ZNF366: variants seen among roughly 807,000 people sequenced by gnomAD.
ZNF366 encodes dendritic cell-specific transcript protein.
A neutral mutation model predicts 47.2 loss-of-function variants in ZNF366; 20 were observed. The observed-to-expected ratio is 0.42, with a 90% CI of 0.30 to 0.62. The LOEUF (loss-of-function observed/expected upper bound fraction) is 0.62. ZNF366 is among the 20% of genes least tolerant of loss of function. ZNF366 has a pLI of 0.16. For missense variants in ZNF366, 987 were observed against 976.3 expected, an observed-to-expected ratio of 1.01 and a Z score of -0.15; for synonymous variants, 421 against 395.1, an observed-to-expected ratio of 1.07 and a Z score of -0.78.
At chr5:72,444,663 G>C (rs1303589293) in intron 4 of ZNF366, among the ~76,000 whole-genome samples, 1 of 151,980 alleles carries the variant, frequency 6.6e-6, no homozygotes, top group Non-Finnish European at 1.5e-5. Flanking sequence ...AATAATAGGA[G>C]TTTGGTTAAA....
At chr5:72,490,419 G>A (rs776358835) in intron 1 of ZNF366, among the ~76,000 whole-genome samples, 6 of 152,172 alleles carry the variant, frequency 3.9e-5, no homozygotes, top group African/African-American at 4.8e-5. Context: ...AGATGAGATA[G>A]AGCTGAATAA....
At position 72,443,141 on chromosome 5, in the gene ZNF366, G is replaced by A. The variant is rs759834377; in HGVS notation, c.*615C>T. 6.6e-6 allele frequency: 1 copy of A among 152,268 alleles called. No individual in the cohort carries two copies. Among genetic ancestry groups the A allele is most frequent in the Non-Finnish European group, 1.5e-5 (1 of 68,102 alleles). 9.4% of individuals were successfully genotyped at this position (152,268 alleles called of 1,614,324 possible). A position where few individuals can be genotyped will look rare whatever the true frequency, so the allele number is the denominator to read the frequency against. ...TGAAGACAGCCGACACAGAACAAGA[G>A]AATCTAAGTATTCTAGGTCACCAGT... On this transcript the variant is annotated 3_prime_UTR_variant, in exon 5 of 5. Transcript: ENST00000318442.
At chr5:72,498,633 A>G (rs1308899202) in intron 1 of ZNF366, among the ~76,000 whole-genome samples, 1 of 152,252 alleles carries the variant, frequency 6.6e-6, no homozygotes, top group Non-Finnish European at 1.5e-5. Context: ...AAATATAATT[A>G]GGACAGTAAA....
chr5:72,482,381 G>A (rs1743806353), intron 1 of ZNF366, among the ~76,000 whole-genome samples: 1 of 152,088 alleles, frequency 6.6e-6, no homozygotes, highest in South Asian at 2.1e-4. Context: ...CAGGCTCAAC[G>A]TATTTCAGTA....
At position 72,443,649 on chromosome 5, in the gene ZNF366, A is replaced by G; in HGVS notation, c.*107T>C. The G allele has an allele frequency of 8.3e-7, 1 of 1,210,698 alleles. No homozygotes were observed. Among genetic ancestry groups the G allele is most frequent in the South Asian group, 1.6e-5 (1 of 64,478 alleles). 75.0% of individuals were successfully genotyped at this position (1,210,698 alleles called of 1,614,324 possible). A position where few individuals can be genotyped will look rare whatever the true frequency, so the allele number is the denominator to read the frequency against. ...TGCTCATTTAGTCTAAGCCATTTGT[A>G]GAGATTGGTACTATTCGCCAGTCTC... On this transcript the variant is annotated 3_prime_UTR_variant, in exon 5 of 5. Transcript: ENST00000318442.
intron 1 of ZNF366, among the ~76,000 whole-genome samples, chr5:72,470,303 C>T (rs983057341): frequency 6.6e-6 from 1 of 152,202 alleles, no homozygotes; most frequent in Non-Finnish European, 1.5e-5. Flanking sequence ...ATGCAGCCTA[C>T]CTGAGCAGCC....
At chr5:72,464,072 A>T (rs1367409161) in intron 1 of ZNF366, among the ~76,000 whole-genome samples, 1 of 152,198 alleles carries the variant, frequency 6.6e-6, no homozygotes, top group Non-Finnish European at 1.5e-5. Flanking sequence ...GCCCATCGAG[A>T]AGCAAACTGG....
chr5:72,494,699 G>C (rs1416934030), intron 1 of ZNF366, among the ~76,000 whole-genome samples: 2 of 150,792 alleles, frequency 1.3e-5, no homozygotes, highest in Non-Finnish European at 1.5e-5. Flanking sequence ...TCTGGATTTA[G>C]ATAAAACCCT....
intron 1 of ZNF366, among the ~76,000 whole-genome samples, chr5:72,470,020 G>A (rs1377389612): frequency 6.6e-6 from 1 of 152,004 alleles, no homozygotes; most frequent in African/African-American, 2.4e-5. Flanking sequence ...ATTCTAACCT[G>A]GGCAACACAG....
At position 72,460,187 on chromosome 5, in the gene ZNF366, T is replaced by C; in HGVS notation, c.1310A>G (p.Lys437Arg). ...GMEFVQPHHL[K>R]QHSLTHKGVK... ...TACCTTGTGGGTGAGGGAGTGCTGC[T>C]TGAGGTGGTGCGGCTGCACAAACTC... Residue 437 changes from lysine (K) to arginine (R), a missense_variant, in exon 2 of 5, where the codon AAG becomes AGG. By Grantham distance (26) the Lys-to-Arg change is conservative. Around this residue, in one of 3 missense-constraint regions of ZNF366, gnomAD observed 111 missense variants for 180.5 expected, o/e 0.61. Transcript: ENST00000318442. 6.2e-7 allele frequency: 1 copy of C among 1,614,212 alleles called. No individual in the cohort carries two copies. The highest frequency in any genetic ancestry group is 8.5e-7 in the Non-Finnish European group (1 of 1,180,022).
chr5:72,502,994 G>C (rs1201434124), intron 1 of ZNF366, among the ~76,000 whole-genome samples: 3 of 151,976 alleles, frequency 2.0e-5, no homozygotes, highest in Non-Finnish European at 4.4e-5. Flanking sequence ...GCGTGGTGGC[G>C]GGCAGCTGTG....
intron 1 of ZNF366, among the ~76,000 whole-genome samples, chr5:72,476,383 A>C (rs1232705566): frequency 1.3e-5 from 2 of 152,158 alleles, no homozygotes; most frequent in Admixed American, 1.3e-4. Flanking sequence ...TCCTAGGCTG[A>C]AAAGTACTGT....
Position 72,443,883 on chromosome 5 carries a change from C to G in ZNF366, c.2108G>C (p.Arg703Thr), listed in dbSNP as rs1742904780. ...CAGRDECLSL[R>T]AFQSTRRGPS... ...GCCCCGCCGGGTACTCTGAAAAGCCCTGAGACTGAGACACTCATCTCTGCC... is the reference window on the plus strand; with the variant it reads ...GCCCCGCCGGGTACTCTGAAAAGCCGTGAGACTGAGACACTCATCTCTGCC... Residue 703 changes from arginine (R) to threonine (T), a missense_variant, in exon 5 of 5, where the codon AGG (arginine) becomes ACG (threonine). Physicochemically the swap from Arg to Thr is moderately conservative, Grantham distance 71 (BLOSUM62 -1). Coordinates refer to ENST00000318442, the MANE Select transcript of ZNF366 (RefSeq NM_152625.3). The G allele has an allele frequency of 6.2e-7, 1 of 1,614,234 alleles. No homozygotes were observed.
At chr5:72,486,600 T>C (rs1743896079) in intron 1 of ZNF366, among the ~76,000 whole-genome samples, 1 of 152,160 alleles carries the variant, frequency 6.6e-6, no homozygotes, top group African/African-American at 2.4e-5. Flanking sequence ...CAACACATAG[T>C]GCATCCCATG....
At position 72,443,908 on chromosome 5, in the gene ZNF366, C is replaced by T. The variant is rs777661372; in HGVS notation, c.2083G>A (p.Gly695Ser). 145 of 1,614,078 alleles carry T rather than the reference C, an allele frequency of 9.0e-5. No individual in the cohort carries two copies. Among genetic ancestry groups the T allele is most frequent in the Non-Finnish European group, 1.1e-4 (132 of 1,180,040 alleles). Residue 695 changes from glycine (G) to serine (S), a missense_variant, in exon 5 of 5, where the codon GGC becomes AGC. Coordinates refer to ENST00000318442, the MANE Select transcript of ZNF366 (RefSeq NM_152625.3). ...CTGAGACTGAGACACTCATCTCTGC[C>T]GGCACAGTCTCTCTCCTGGCCGCCC... Reference protein sequence around the residue: ...AEGGQERDCAGRDECLSLRAF... With the variant: ...AEGGQERDCASRDECLSLRAF...
At chr5:72,489,881 C>T (rs1208182217) in intron 1 of ZNF366, among the ~76,000 whole-genome samples, 1 of 152,204 alleles carries the variant, frequency 6.6e-6, no homozygotes, top group Admixed American at 6.5e-5. Flanking sequence ...ACAGATAATG[C>T]TCCACAATGC....
intron 3 of ZNF366, among the ~76,000 whole-genome samples, chr5:72,449,277 G>C (rs907971407): frequency 1.4e-5 from 2 of 141,034 alleles, no homozygotes; most frequent in Admixed American, 7.3e-5. Context: ...ATGGAGTCTC[G>C]CTCTGTTGTC....
At chr5:72,454,585 T>A (rs549031860) in intron 3 of ZNF366, among the ~76,000 whole-genome samples, 10 of 152,322 alleles carry the variant, frequency 6.6e-5, no homozygotes, top group African/African-American at 2.4e-4. Context: ...CAGATGTGAA[T>A]TTTCAGGGGA....
At chr5:72,498,235 T>G (rs1035873512) in intron 1 of ZNF366, among the ~76,000 whole-genome samples, 2 of 152,238 alleles carry the variant, frequency 1.3e-5, no homozygotes, top group African/African-American at 4.8e-5. Context: ...GTCTTTCATC[T>G]ATCTGGAATT....
Sources: gnomAD v4.1 joint callset for allele counts (sites outside exome capture counted in the v4.1 genomes callset) on GRCh38, gnomAD v4.1.1 for gene constraint, gnomAD v4.1.1 regional missense constraint, MANE v1.5 for transcripts, NCBI Gene and HGNC (gene_info 2026-07-23, HGNC 2026-07-21) for gene names.